IQSEC3: variants seen among roughly 807,000 people sequenced by gnomAD.
The protein encoded by IQSEC3 is IQ motif and SEC7 domain-containing protein 3.
IQSEC3 carries 50 observed loss-of-function variants against 105.4 expected under a neutral mutation model. That is an observed-to-expected ratio of 0.47 (90% CI 0.38 to 0.60). The LOEUF (loss-of-function observed/expected upper bound fraction) is 0.60. Among genes scored for constraint, IQSEC3 ranks in the 20% least tolerant of loss-of-function variants. The probability of loss-of-function intolerance (pLI) is 0.00; values close to 1 mark genes in which losing one functional copy is unlikely to be tolerated. For synonymous variants in IQSEC3, 708 were observed against 746.0 expected (o/e 0.95, Z 0.83); for missense variants, 1,415 against 1,630.0 (o/e 0.87, Z 2.27).
At chr12:90,512 AG>A (rs1864049775) in intron 1 of IQSEC3, among the ~76,000 whole-genome samples, 5 of 152,214 alleles carry the variant, frequency 3.3e-5, no homozygotes, top group Admixed American at 3.3e-4. Flanking sequence ...GTATGGCATA[AG>A]GCATGGATTG....
At chr12:139,628 T>C in intron 4 of IQSEC3, 1 of 383,098 alleles carries the variant, frequency 2.6e-6, no homozygotes, top group Non-Finnish European at 4.6e-6. Context: ...CAGCTTAAGA[T>C]GAAGCTAGGG....
intron 11 of IQSEC3, 108 bp from the exon 12 acceptor site, chr12:168,905 G>C (rs1194914980): frequency 7.7e-6 from 7 of 908,394 alleles, no homozygotes; most frequent in Non-Finnish European, 1.3e-5. Context: ...CATGTACTGG[G>C]ACCTCTCCTC....
chr12:138,651 G>T lies in IQSEC3; in HGVS notation c.1288G>T (p.Glu430Ter). ...CCTCAAGACCATGTGCTCCCTGCGG[G>T]AGAGTGGCGCTTACCAGCTCCACCA... ...WSLKTMCSLRESGAYQLHQAL... is the reference protein window; with the variant it reads ...WSLKTMCSLR The change falls in exon 4 of 14, where the codon GAG (glutamate) becomes TAG (stop). Residue 430 changes from glutamate (E) to a stop codon, truncating the protein, a stop_gained. Coordinates refer to ENST00000538872, the MANE Select transcript of IQSEC3 (RefSeq NM_001170738.2). LOFTEE classifies it high-confidence loss of function. The surrounding 1 kb of genome is among the most constrained non-coding windows in gnomAD (Gnocchi z 7.1). 6.4e-7 allele frequency: 1 copy of T among 1,574,368 alleles called. No homozygotes were observed. The highest frequency in any genetic ancestry group is 8.6e-7 in the Non-Finnish European group (1 of 1,168,290).
At position 82,036 on chromosome 12, in the gene IQSEC3, G is replaced by T. The variant is rs561190814; in HGVS notation, c.554+14600G>T. Among the ~76,000 whole-genome samples, 14 of 152,282 alleles carry T rather than the reference G, an allele frequency of 9.2e-5. No homozygotes were observed. The South Asian group carries it at 2.1e-3, about 23-fold the overall frequency. On this transcript the variant is annotated intron_variant, in intron 1 of 13. Transcript: ENST00000538872. ...CTTGATTAGTGGGTTTGAGAGAGAA[G>T]GGAGGAGAGACTTTAGAGACAAATC...
At chr12:78,122 TCCCCGCG>T (rs1316754107) in intron 1 of IQSEC3, among the ~76,000 whole-genome samples, 2 of 150,616 alleles carry the variant, frequency 1.3e-5, no homozygotes, top group Non-Finnish European at 3.0e-5. Context: ...CGCCCCCGCC[TCCCCGCG>T]CCCCAACCCC....
intron 5 of IQSEC3, chr12:143,595 A>C (rs11061632): frequency 6.1e-6 from 1 of 164,078 alleles, no homozygotes; most frequent in African/African-American, 2.5e-5. Context: ...CATGCAGGGC[A>C]GTGCTGGGGT....
chr12:100,347 G>A (rs782309427), intron 2 of IQSEC3, among the ~76,000 whole-genome samples: 12 of 152,266 alleles, frequency 7.9e-5, no homozygotes, highest in Non-Finnish European at 1.6e-4. Context: ...TTAGGGCGCC[G>A]GACTCCTCAT....
intron 7 of IQSEC3, among the ~76,000 whole-genome samples, chr12:160,365 C>T (rs2368782): frequency 0.44 from 66,346 of 151,868 alleles, 16,855 homozygotes; most frequent in Non-Finnish European, 0.57. Flanking sequence ...GGCATTTCAC[C>T]GGGAGACCCT....
intron 2 of IQSEC3, among the ~76,000 whole-genome samples, chr12:107,515 T>A (rs1288246105): frequency 1.4e-5 from 2 of 143,046 alleles, no homozygotes; most frequent in Non-Finnish European, 3.0e-5. Context: ...GTTCACGCCA[T>A]TCTCCTGCCT....
At position 130,485 on chromosome 12, in the gene IQSEC3, T is replaced by C. The variant is rs143801472; in HGVS notation, c.903+4573T>C. Reference sequence around the variant, plus strand: ...TCGACCCTGTACCTTCCACCATCTCTTGGCATTACAGTGAGGAACAGGCCC... The same window carrying C: ...TCGACCCTGTACCTTCCACCATCTCCTGGCATTACAGTGAGGAACAGGCCC... On this transcript the variant is annotated intron_variant, in intron 3 of 13. Transcript: ENST00000538872. 3.5e-4 allele frequency among the ~76,000 whole-genome samples: 53 copies of C among 152,318 alleles called. No homozygotes were observed. In the East Asian group the frequency reaches 9.6e-3, roughly 28 times the overall value.
chr12:122,961 G>A (rs2136963099), intron 2 of IQSEC3, among the ~76,000 whole-genome samples: 1 of 152,302 alleles, frequency 6.6e-6, no homozygotes, highest in South Asian at 2.1e-4. Context: ...ACTGTATGCT[G>A]CCCGGCAGGC....
At chr12:95,122 G>C (rs903192357) in intron 1 of IQSEC3, among the ~76,000 whole-genome samples, 2 of 152,164 alleles carry the variant, frequency 1.3e-5, no homozygotes, top group East Asian at 3.9e-4. Flanking sequence ...GTTTCAGACA[G>C]TTCTCTAAAG....
At position 85,185 on chromosome 12, in the gene IQSEC3, G is replaced by A. The variant is rs77340031; in HGVS notation, c.555-13961G>A. Among the ~76,000 whole-genome samples, 1,065 of 152,298 alleles carry A rather than the reference G, an allele frequency of 7.0e-3. 6 individuals carry two copies. Among genetic ancestry groups the A allele is most frequent in the East Asian group, 0.026 (137 of 5,182 alleles). ...TTCGCCATTCCTGGAGAAACACTGC[G>A]TGCCCACAGCTGACGAAAGGTGGGT... On this transcript the variant is annotated intron_variant, in intron 1 of 13. Transcript: ENST00000538872.
At chr12:170,942 G>A (rs1377905026) in intron 12 of IQSEC3, among the ~76,000 whole-genome samples, 170 bp from the exon 13 acceptor site, 2 of 152,186 alleles carry the variant, frequency 1.3e-5, no homozygotes, top group Non-Finnish European at 2.9e-5. Flanking sequence ...GTAGCATCTC[G>A]CCCAGGTCAC....
At position 162,192 on chromosome 12, in the gene IQSEC3, T is replaced by C. The variant is rs199678076; in HGVS notation, c.2583+127T>C. Reference sequence around the variant, plus strand: ...ATTCATTCACATGATAGTTATGAAGTACCTACTGTGTGCCAGACACTGCAT... The same window carrying C: ...ATTCATTCACATGATAGTTATGAAGCACCTACTGTGTGCCAGACACTGCAT... On this transcript the variant is annotated intron_variant, in intron 8 of 13. Coordinates refer to ENST00000538872, the MANE Select transcript of IQSEC3 (RefSeq NM_001170738.2). 4 of 1,099,170 alleles carry C rather than the reference T, an allele frequency of 3.6e-6. No homozygotes were observed. In the East Asian group the frequency reaches 7.5e-5, roughly 21 times the overall value. 68.1% of individuals were successfully genotyped at this position (1,099,170 alleles called of 1,614,324 possible). A position where few individuals can be genotyped will look rare whatever the true frequency, so the allele number is the denominator to read the frequency against.
intron 2 of IQSEC3, among the ~76,000 whole-genome samples, chr12:122,002 A>G (rs1174466038): frequency 6.6e-6 from 1 of 152,148 alleles, no homozygotes; most frequent in African/African-American, 2.4e-5. Flanking sequence ...CCACGATGTT[A>G]TCTTCAACAT....
chr12:155,341 G>A lies in IQSEC3; in HGVS notation c.2154-1684G>A, dbSNP rs531179439. On this transcript the variant is annotated intron_variant, in intron 5 of 13. Transcript: ENST00000538872. ...CCCACCCTCACCTGCCCACTGTCCC[G>A]GCCAGCAAGCCTGAGAGGAGTGGGC... 6.6e-5 allele frequency among the ~76,000 whole-genome samples: 10 copies of A among 152,328 alleles called. No homozygotes were observed. In the South Asian group the frequency reaches 1.7e-3, roughly 25 times the overall value.
intron 5 of IQSEC3, among the ~76,000 whole-genome samples, chr12:146,202 T>A (rs1418111306): frequency 1.3e-5 from 2 of 152,194 alleles, no homozygotes; most frequent in East Asian, 3.9e-4. Context: ...AAGAAATCAT[T>A]TGAGAATGTC....
At chr12:126,753 A>G (rs2136972024) in intron 3 of IQSEC3, among the ~76,000 whole-genome samples, 1 of 152,318 alleles carries the variant, frequency 6.6e-6, no homozygotes, top group Non-Finnish European at 1.5e-5. Flanking sequence ...TTAACTTTGA[A>G]TCACCTCCAA....
Sources: gnomAD v4.1 joint callset for allele counts (sites outside exome capture counted in the v4.1 genomes callset) on GRCh38, gnomAD v4.1.1 for gene constraint, Gnocchi (gnomAD v3.1) non-coding constraint, MANE v1.5 for transcripts, NCBI Gene and HGNC (gene_info 2026-07-23, HGNC 2026-07-21) for gene names.